ALPK2: variants seen among roughly 807,000 people sequenced by gnomAD.
ALPK2 encodes the protein alpha-protein kinase 2.
ALPK2 carries 127 observed loss-of-function variants against 163.1 expected under a neutral mutation model. The ratio of observed to expected loss-of-function variants is 0.78; its 90% CI spans 0.67 to 0.90. ALPK2 has a LOEUF of 0.90. Ranked by LOEUF, ALPK2 falls within the 40% of genes least tolerant of loss-of-function variation. The pLI is 0.00. For missense variants in ALPK2, 2,360 were observed against 2,589.6 expected, an observed-to-expected ratio of 0.91 and a Z score of 1.92; for synonymous variants, 953 against 959.1, an observed-to-expected ratio of 0.99 and a Z score of 0.12.
rs763386134 is a variant in ALPK2, at chr18:58,580,291, T to A, written c.485A>T (p.Asp162Val). 6.2e-7 allele frequency: 1 copy of A among 1,613,094 alleles called. No homozygotes were observed. The highest frequency in any genetic ancestry group is 8.5e-7 in the Non-Finnish European group (1 of 1,179,750). ...ATGGTTGGATTTGGAGGGGGAGGAG[T>A]CAGCTGACCTGGGAGTGCCCGGGGA... is the stretch of plus-strand genomic sequence containing the variant. ...SISPGTPRSA[D>V]SSPSKSNHSL... Residue 162 changes from aspartate to valine, a missense_variant, in exon 4 of 13, where the codon GAC (aspartate) becomes GTC (valine). Transcript: ENST00000361673.
intron 12 of ALPK2, among the ~76,000 whole-genome samples, chr18:58,487,494 T>C (rs2051345642): frequency 6.6e-6 from 1 of 152,200 alleles, no homozygotes; most frequent in Non-Finnish European, 1.5e-5. Context: ...TCTTGGTTTG[T>C]GGTCATTTGT....
chr18:58,576,247 G>C (rs1417105586), intron 4 of ALPK2, among the ~76,000 whole-genome samples: 1 of 152,130 alleles, frequency 6.6e-6, no homozygotes, highest in East Asian at 1.9e-4. Flanking sequence ...GGTGGCGGGT[G>C]CCTGTAATCT....
intron 6 of ALPK2, chr18:58,528,867 C>T (rs2051597311): frequency 3.7e-6 from 2 of 539,864 alleles, no homozygotes; most frequent in Admixed American, 3.3e-5. Context: ...TTCCCAAAAC[C>T]CCAGAACTCA....
intron 4 of ALPK2, among the ~76,000 whole-genome samples, chr18:58,564,139 T>TTTTTTTTTTTTTTTA (rs2051839161): frequency 1.4e-5 from 2 of 147,696 alleles, no homozygotes; most frequent in Non-Finnish European, 3.0e-5. Context: ...TTTTTTTTTT[T>TTTTTTTTTTTTTTTA]GAGATGGAGT....
chr18:58,538,490 T>A (rs776052074), intron 4 of ALPK2: 1 of 426,602 alleles, frequency 2.3e-6, no homozygotes, highest in South Asian at 4.3e-5. Context: ...ATTTATTTAA[T>A]GATTTCTTTC....
At chr18:58,592,430 C>G (rs1317877053) in intron 3 of ALPK2, among the ~76,000 whole-genome samples, 1 of 152,202 alleles carries the variant, frequency 6.6e-6, no homozygotes, top group Non-Finnish European at 1.5e-5. Flanking sequence ...AGAACTCGAG[C>G]CCCGCAGGGA....
intron 12 of ALPK2, among the ~76,000 whole-genome samples, chr18:58,497,589 C>T (rs1354814664): frequency 6.6e-6 from 1 of 152,200 alleles, no homozygotes; most frequent in African/African-American, 2.4e-5. Flanking sequence ...TGATTATCAT[C>T]ATGGGGGTCT....
At chr18:58,530,932 G>A (rs144532454) in intron 5 of ALPK2, among the ~76,000 whole-genome samples, 1 of 152,304 alleles carries the variant, frequency 6.6e-6, no homozygotes, top group Non-Finnish European at 1.5e-5. Context: ...CTGGCATGGT[G>A]GTTCACACCT....
chr18:58,616,227 T>C (rs2052167385), intron 1 of ALPK2, among the ~76,000 whole-genome samples: 1 of 152,246 alleles, frequency 6.6e-6, no homozygotes, highest in African/African-American at 2.4e-5. Context: ...GTATATTTAT[T>C]GGTTTCCATC....
At chr18:58,533,708 G>A (rs1348481761) in intron 5 of ALPK2, among the ~76,000 whole-genome samples, 2 of 151,938 alleles carry the variant, frequency 1.3e-5, no homozygotes, top group African/African-American at 2.4e-5. Context: ...CTCCTACCTC[G>A]GCCTCCCAAA....
intron 10 of ALPK2, among the ~76,000 whole-genome samples, chr18:58,514,726 G>A (rs1429567513): frequency 1.3e-5 from 2 of 150,952 alleles, no homozygotes; most frequent in African/African-American, 4.9e-5. Flanking sequence ...TTTATTGGCT[G>A]GATTAATCCA....
chr18:58,578,738 A>ACACACGCGCGCACGCGTGCG (rs138127797), intron 4 of ALPK2, 76 bp downstream of exon 4: 3 of 936,678 alleles, frequency 3.2e-6, no homozygotes, highest in South Asian at 1.8e-5. Context: ...GAAGAGACAC[A>ACACACGCGCGCACGCGTGCG]CACACACACA....
chr18:58,586,498 G>A lies in ALPK2; in HGVS notation c.228-5950C>T, dbSNP rs1353002535. Among the ~76,000 whole-genome samples the A allele has an allele frequency of 2.0e-5, 3 of 152,138 alleles. No homozygotes were observed. The South Asian group carries it at 6.2e-4, about 32-fold the overall frequency. ...TTTTCTGGTGCTTTAACCTGCCCTA[G>A]TTCTATTCCCCCATAACCAGCTCCA... On this transcript the variant is annotated intron_variant, in intron 3 of 12. Coordinates refer to ENST00000361673, the MANE Select transcript of ALPK2 (RefSeq NM_052947.4).
rs1458305592 is a variant in ALPK2, at chr18:58,518,374, T to C, written c.5666-1192A>G. On this transcript the variant is annotated intron_variant, in intron 8 of 12. Coordinates refer to ENST00000361673, the MANE Select transcript of ALPK2 (RefSeq NM_052947.4). Reference sequence around the variant, plus strand: ...AAGAAAGAAAGGGAGTGGGGTTTGGTGGATTTTCAAACAGAAAAACTAGGT... The same window carrying C: ...AAGAAAGAAAGGGAGTGGGGTTTGGCGGATTTTCAAACAGAAAAACTAGGT... 2.6e-5 allele frequency among the ~76,000 whole-genome samples: 4 copies of C among 152,136 alleles called. No homozygotes were observed. In the East Asian group the frequency reaches 7.7e-4, roughly 29 times the overall value.
chr18:58,582,949 T>C (rs966674825), intron 3 of ALPK2, among the ~76,000 whole-genome samples: 2 of 152,136 alleles, frequency 1.3e-5, no homozygotes, highest in African/African-American at 2.4e-5. Flanking sequence ...GGTTCTTGTA[T>C]GTAGAGGCAG....
intron 10 of ALPK2, among the ~76,000 whole-genome samples, chr18:58,507,751 A>G (rs1038777233): frequency 6.6e-6 from 1 of 152,170 alleles, no homozygotes; most frequent in Non-Finnish European, 1.5e-5. Context: ...TTTAACCTTC[A>G]AGCTGCCCTT....
intron 4 of ALPK2, among the ~76,000 whole-genome samples, chr18:58,569,664 G>C (rs2051875069): frequency 6.6e-6 from 1 of 152,170 alleles, no homozygotes; most frequent in South Asian, 2.1e-4. Flanking sequence ...ACTGTAGTAA[G>C]CCAGGACATT....
At chr18:58,518,786 A>C (rs1052029733) in intron 8 of ALPK2, among the ~76,000 whole-genome samples, 1 of 152,210 alleles carries the variant, frequency 6.6e-6, no homozygotes, top group African/African-American at 2.4e-5. Context: ...GCCTTTCCAC[A>C]AGCTACTGCC....
In ALPK2 at chr18:58,510,777, G is replaced by T. The variant is rs796085050; in HGVS notation, c.6029+4216C>A. Reference sequence around the variant, plus strand: ...CTGAAGTTGCTTATCAGCTTAAGGAGATTTTGGGCTGAGATGATGGGGTTT... The same window carrying T: ...CTGAAGTTGCTTATCAGCTTAAGGATATTTTGGGCTGAGATGATGGGGTTT... On this transcript the variant is annotated intron_variant, in intron 10 of 12. Coordinates refer to ENST00000361673, the MANE Select transcript of ALPK2 (RefSeq NM_052947.4). Among the ~76,000 whole-genome samples the T allele has an allele frequency of 4.6e-5, 7 of 152,336 alleles. No individual in the cohort carries two copies. In the South Asian group the frequency reaches 1.5e-3, roughly 32 times the overall value.
Sources: gnomAD v4.1 joint callset for allele counts (sites outside exome capture counted in the v4.1 genomes callset) on GRCh38, gnomAD v4.1.1 for gene constraint, MANE v1.5 for transcripts, NCBI Gene and HGNC (gene_info 2026-07-23, HGNC 2026-07-21) for gene names.